RBFOX1: variants seen among roughly 807,000 people sequenced by gnomAD.
The protein encoded by RBFOX1 is RNA binding fox-1 homolog 1, also known as RNA binding protein fox-1 homolog 1.
A neutral mutation model predicts 57.7 loss-of-function variants in RBFOX1; 8 were observed. The observed-to-expected ratio is 0.14, with a 90% CI of 0.08 to 0.25. RBFOX1 has a LOEUF of 0.25. RBFOX1 is among the 10% of genes least tolerant of loss of function. The pLI is 1.00. For missense variants in RBFOX1, 611 were observed against 548.5 expected (o/e 1.11, Z -1.14); for synonymous variants, 326 against 222.4 (o/e 1.47, Z -4.15).
chr16:7,709,834 C>A, intron 15 of RBFOX1: 1 of 1,251,370 alleles, frequency 8.0e-7, no homozygotes, highest in Non-Finnish European at 1.0e-6. Context: ...CACTGAAACT[C>A]TTGAGTACAG....
intron 4 of RBFOX1, among the ~76,000 whole-genome samples, chr16:7,061,642 C>T (rs1427389787): frequency 6.6e-6 from 1 of 152,140 alleles, no homozygotes; most frequent in South Asian, 2.1e-4. Flanking sequence ...TTAATTTAGC[C>T]TATTATCCCC....
chr16:6,606,133 C>T (rs891837454), intron 2 of RBFOX1, among the ~76,000 whole-genome samples: 5 of 151,974 alleles, frequency 3.3e-5, no homozygotes, highest in African/African-American at 1.2e-4. Context: ...AAGAAATATA[C>T]ATCTTATAAT....
chr16:5,271,601 C>T (rs1304335467), intron 1 of RBFOX1, among the ~76,000 whole-genome samples: 1 of 152,262 alleles, frequency 6.6e-6, no homozygotes, highest in Non-Finnish European at 1.5e-5. Flanking sequence ...TGAACATCAT[C>T]TCTTACTCTC....
At chr16:5,247,441 C>G (rs1596297933) in intron 1 of RBFOX1, among the ~76,000 whole-genome samples, 2 of 152,328 alleles carry the variant, frequency 1.3e-5, no homozygotes, top group Middle Eastern at 6.8e-3. Context: ...CATCTGTGCA[C>G]TGGGGGCTGC....
chr16:7,259,786 T>C (rs1046872848), intron 4 of RBFOX1, among the ~76,000 whole-genome samples: 2 of 152,100 alleles, frequency 1.3e-5, no homozygotes, highest in African/African-American at 4.8e-5. Context: ...GGGAGGGAAA[T>C]GTTTTCTTAA....
At chr16:5,841,952 G>A (rs371173530) in intron 3 of RBFOX1, among the ~76,000 whole-genome samples, 16 of 152,334 alleles carry the variant, frequency 1.1e-4, no homozygotes, top group South Asian at 8.3e-4. Flanking sequence ...CTAGGTAGAC[G>A]TGGGCTGGTG....
chr16:5,643,810 C>G (rs932757975), intron 3 of RBFOX1, among the ~76,000 whole-genome samples: 7 of 152,172 alleles, frequency 4.6e-5, no homozygotes, highest in Non-Finnish European at 8.8e-5. Context: ...TAATCACAAG[C>G]TAAGCCAATA....
At chr16:5,632,427 C>G (rs2048541427) in intron 3 of RBFOX1, 1 of 152,150 alleles carries the variant, frequency 6.6e-6, no homozygotes, top group Admixed American at 6.5e-5. Context: ...TGGTGAGAAT[C>G]AAATTAAGCA....
At chr16:7,449,339 C>CA (rs570071444) in intron 4 of RBFOX1, among the ~76,000 whole-genome samples, 347 of 152,260 alleles carry the variant, frequency 2.3e-3, no homozygotes, top group Admixed American at 4.6e-3. Context: ...GGACACTCTT[C>CA]AACCCACCAT....
chr16:6,098,471 G>T (rs558227028), intron 1 of RBFOX1, among the ~76,000 whole-genome samples: 1 of 152,270 alleles, frequency 6.6e-6, no homozygotes, highest in Non-Finnish European at 1.5e-5. Flanking sequence ...GGAGGCCCAG[G>T]TTCAAGGTTA....
chr16:7,362,170 C>T (rs527345302), intron 4 of RBFOX1, among the ~76,000 whole-genome samples: 1 of 130,820 alleles, frequency 7.6e-6, no homozygotes, highest in Non-Finnish European at 1.5e-5. Flanking sequence ...GTTTTGTATG[C>T]TTGCTAGTGT....
intron 3 of RBFOX1, among the ~76,000 whole-genome samples, chr16:6,759,509 GTGTGT>G (rs971551554): frequency 7.3e-6 from 1 of 136,330 alleles, no homozygotes; most frequent in African/African-American, 2.6e-5. Context: ...GTGTGTGTGT[GTGTGT>G]GTGTGTGTAT....
intron 14 of RBFOX1, 116 bp downstream of exon 14, chr16:7,676,954 C>G: frequency 1.9e-6 from 2 of 1,045,348 alleles, no homozygotes; most frequent in Non-Finnish European, 2.9e-6. Flanking sequence ...AGGTAGCACC[C>G]CAAAAGTTAG....
intron 14 of RBFOX1, among the ~76,000 whole-genome samples, chr16:7,708,329 C>G (rs558466330): frequency 2.0e-5 from 3 of 152,116 alleles, no homozygotes; most frequent in Non-Finnish European, 2.9e-5. Flanking sequence ...ATCCTAAAGC[C>G]TATACCAGAA....
chr16:7,517,188 T>C (rs1193731057), intron 4 of RBFOX1, among the ~76,000 whole-genome samples: 1 of 126,082 alleles, frequency 7.9e-6, no homozygotes, highest in Non-Finnish European at 1.7e-5. Flanking sequence ...TGTGTGTGTG[T>C]TGTGGTAGAA....
At chr16:5,637,700 G>A (rs2048728461) in intron 3 of RBFOX1, among the ~76,000 whole-genome samples, 1 of 152,178 alleles carries the variant, frequency 6.6e-6, no homozygotes, top group Non-Finnish European at 1.5e-5. Flanking sequence ...GGAGGCAGAT[G>A]GGGAAGGATC....
At chr16:5,638,013 G>C (rs59457675) in intron 3 of RBFOX1, among the ~76,000 whole-genome samples, 1,679 of 152,270 alleles carry the variant, frequency 0.011, 31 homozygotes, top group African/African-American at 0.038. Flanking sequence ...CTTTCCTTTG[G>C]ATAAAATGGG....
At chr16:6,897,152 C>T (rs909445154) in intron 3 of RBFOX1, among the ~76,000 whole-genome samples, 1 of 152,174 alleles carries the variant, frequency 6.6e-6, no homozygotes, top group South Asian at 2.1e-4. Context: ...CTTGCCCAAG[C>T]TGACACAGCG....
rs530424614 is a variant in RBFOX1, at chr16:6,776,920, G to A, written c.-16+122270G>A. 4.6e-5 allele frequency among the ~76,000 whole-genome samples: 7 copies of A among 152,284 alleles called. 1 individual carries two copies. In the South Asian group the frequency reaches 1.5e-3, roughly 32 times the overall value. Reference sequence around the variant, plus strand: ...CAAATATTAATTTTTAATGGGAAATGTACACCTGGCTTTGTATTGTTCATA... The same window carrying A: ...CAAATATTAATTTTTAATGGGAAATATACACCTGGCTTTGTATTGTTCATA... On this transcript the variant is annotated intron_variant, in intron 3 of 15. Transcript: ENST00000550418.
Sources: allele counts gnomAD v4.1 joint callset (sites outside exome capture counted in the v4.1 genomes callset), GRCh38; gene constraint gnomAD v4.1.1; transcripts MANE v1.5; gene names NCBI Gene and HGNC (gene_info 2026-07-23, HGNC 2026-07-21).